Variants in SCFD2 observed in about 807,000 individuals in gnomAD.
The protein encoded by SCFD2 is sec1 family domain-containing protein 2.
A neutral mutation model predicts 58.9 loss-of-function variants in SCFD2; 54 were observed. The observed-to-expected ratio is 0.92, with a 90% CI of 0.74 to 1.15. The LOEUF is 1.15. Among genes scored for constraint, SCFD2 ranks in the 50% most tolerant of loss-of-function variants. SCFD2 has a pLI of 0.00. For synonymous variants in SCFD2, 321 were observed against 335.9 expected (o/e 0.96, Z 0.49); for missense variants, 805 against 836.6 (o/e 0.96, Z 0.47).
chr4:52,907,280 G>A (rs1327671229), intron 7 of SCFD2, among the ~76,000 whole-genome samples, 177 bp downstream of exon 7: 1 of 152,176 alleles, frequency 6.6e-6, no homozygotes. Context: ...GCTGTATGAC[G>A]CTAACAGGTC....
chr4:53,112,911 T>C (rs1341247110), intron 5 of SCFD2, among the ~76,000 whole-genome samples: 1 of 152,010 alleles, frequency 6.6e-6, no homozygotes, highest in Non-Finnish European at 1.5e-5. Flanking sequence ...ATTCCCACCA[T>C]CATCTATTCT....
chr4:53,247,889 AAAAATAACAAGATCAT>A (rs1399959177), intron 4 of SCFD2, among the ~76,000 whole-genome samples: 1 of 151,034 alleles, frequency 6.6e-6, no homozygotes, highest in African/African-American at 2.4e-5. Context: ...AAAAAAAAAA[AAAAATAACAAGATCAT>A]GTTTGGGGGA....
intron 4 of SCFD2, among the ~76,000 whole-genome samples, chr4:53,216,403 A>C: frequency 6.6e-6 from 1 of 152,062 alleles, no homozygotes; most frequent in Non-Finnish European, 1.5e-5. Flanking sequence ...GAATTTATCC[A>C]TTTCTTCTAG....
At chr4:53,236,501 G>A (rs2149014920) in intron 4 of SCFD2, among the ~76,000 whole-genome samples, 1 of 148,484 alleles carries the variant, frequency 6.7e-6, no homozygotes. Flanking sequence ...AGAGAACCTT[G>A]ACTAATACAT....
At chr4:53,178,418 A>G (rs1032505873) in intron 4 of SCFD2, among the ~76,000 whole-genome samples, 1 of 152,206 alleles carries the variant, frequency 6.6e-6, no homozygotes, top group African/African-American at 2.4e-5. Context: ...GCAAACTCCA[A>G]TAGACCTGCC....
At chr4:53,124,909 A>G (rs1470641936) in intron 5 of SCFD2, among the ~76,000 whole-genome samples, 1 of 152,210 alleles carries the variant, frequency 6.6e-6, no homozygotes, top group African/African-American at 2.4e-5. Context: ...AACAACAATA[A>G]TAACTATATT....
At chr4:52,958,573 C>T (rs1056325235) in intron 5 of SCFD2, among the ~76,000 whole-genome samples, 1 of 152,140 alleles carries the variant, frequency 6.6e-6, no homozygotes, top group African/African-American at 2.4e-5. Context: ...ACCGTCAGAT[C>T]CAACATCCCC....
intron 3 of SCFD2, among the ~76,000 whole-genome samples, chr4:53,308,295 T>C (rs1027334524): frequency 6.6e-6 from 1 of 152,188 alleles, no homozygotes; most frequent in Non-Finnish European, 1.5e-5. Flanking sequence ...TCAACTAATA[T>C]ATAAAAACAA....
intron 4 of SCFD2, among the ~76,000 whole-genome samples, chr4:53,215,721 G>A (rs1383594889): frequency 6.6e-6 from 1 of 152,034 alleles, no homozygotes; most frequent in Non-Finnish European, 1.5e-5. Flanking sequence ...CCTGTCTTGT[G>A]CCAGTTTTCA....
intron 4 of SCFD2, among the ~76,000 whole-genome samples, chr4:53,184,985 A>T (rs1727697121): frequency 6.6e-6 from 1 of 152,126 alleles, no homozygotes; most frequent in Admixed American, 6.6e-5. Context: ...AAAAAAACAA[A>T]TAAAATATAA....
At chr4:53,183,863 A>G (rs1727659133) in intron 4 of SCFD2, among the ~76,000 whole-genome samples, 1 of 152,084 alleles carries the variant, frequency 6.6e-6, no homozygotes, top group African/African-American at 2.4e-5. Flanking sequence ...AGTGTCCTGA[A>G]CATATAACAG....
chr4:53,207,530 T>TATAATA (rs375151293), intron 4 of SCFD2, among the ~76,000 whole-genome samples: 344 of 16,678 alleles, frequency 0.021, 14 homozygotes, highest in African/African-American at 0.07. Flanking sequence ...TATATAATAT[T>TATAATA]TATATATTAT....
At chr4:52,923,786 C>G (rs1473047402) in intron 5 of SCFD2, among the ~76,000 whole-genome samples, 1 of 152,194 alleles carries the variant, frequency 6.6e-6, no homozygotes, top group Non-Finnish European at 1.5e-5. Context: ...GGATTGGTAT[C>G]ACAGCGTGTT....
At position 53,138,824 on chromosome 4, in the gene SCFD2, T is replaced by C. The variant is rs1292501475; in HGVS notation, c.1561+6509A>G. Among the ~76,000 whole-genome samples, 3 of 152,074 alleles carry C rather than the reference T, an allele frequency of 2.0e-5. No homozygotes were observed. In the East Asian group the frequency reaches 5.8e-4, roughly 29 times the overall value. ...ATTAAAGAAACTGTCAAAAGTAAAC[T>C]ACATATTTAACAGATGAAAGAAAAT... On this transcript the variant is annotated intron_variant, in intron 5 of 8. Transcript: ENST00000401642.
chr4:53,323,371 C>A (rs879828402), intron 2 of SCFD2, among the ~76,000 whole-genome samples: 1 of 151,806 alleles, frequency 6.6e-6, no homozygotes, highest in Admixed American at 6.6e-5. Context: ...TACAGTAGTT[C>A]TTTTTTGTTG....
At chr4:53,082,323 T>A (rs1447780051) in intron 5 of SCFD2, among the ~76,000 whole-genome samples, 3 of 152,180 alleles carry the variant, frequency 2.0e-5, no homozygotes, top group Non-Finnish European at 4.4e-5. Flanking sequence ...GTATGAAGGT[T>A]ACAATTTTCC....
chr4:53,061,828 C>T (rs1723521603), intron 5 of SCFD2, among the ~76,000 whole-genome samples: 2 of 152,024 alleles, frequency 1.3e-5, no homozygotes, highest in Non-Finnish European at 2.9e-5. Context: ...ATCTGATTGC[C>T]TTAATCAGTC....
chr4:53,187,487 T>A (rs1577819891), intron 4 of SCFD2, among the ~76,000 whole-genome samples: 1 of 152,062 alleles, frequency 6.6e-6, no homozygotes, highest in East Asian at 1.9e-4. Context: ...AAGGAAATAA[T>A]CACTGATATG....
chr4:53,315,069 G>A (rs947048931), intron 2 of SCFD2, among the ~76,000 whole-genome samples: 2 of 152,096 alleles, frequency 1.3e-5, no homozygotes, highest in African/African-American at 4.8e-5. Flanking sequence ...CTAAAAAAGT[G>A]TGGTAATAAA....
Sources: gnomAD v4.1 joint callset for allele counts (sites outside exome capture counted in the v4.1 genomes callset) on GRCh38, gnomAD v4.1.1 for gene constraint, MANE v1.5 for transcripts, NCBI Gene and HGNC (gene_info 2026-07-23, HGNC 2026-07-21) for gene names.